Variants in WDR7 observed in about 807,000 individuals in gnomAD.
WDR7 encodes the protein WD repeat domain 7.
A neutral mutation model predicts 169.4 loss-of-function variants in WDR7; 46 were observed. The observed-to-expected ratio is 0.27, with a 90% CI of 0.21 to 0.35. The LOEUF is 0.35. Ranked by LOEUF, WDR7 falls within the 10% of genes least tolerant of loss-of-function variation. The pLI, the probability that WDR7 is intolerant of heterozygous loss-of-function variation, is 1.00. For synonymous variants in WDR7, 612 were observed against 666.8 expected (o/e 0.92, Z 1.27); for missense variants, 1,534 against 1,859.3 (o/e 0.83, Z 3.22).
chr18:56,949,981 G>A (rs945284993), intron 25 of WDR7, among the ~76,000 whole-genome samples: 1 of 152,106 alleles, frequency 6.6e-6, no homozygotes, highest in Admixed American at 6.5e-5. Context: ...AATAAATCTT[G>A]TCAGTTGTTT....
In WDR7 at chr18:56,897,349, CA is replaced by C. The variant is rs1443864145; in HGVS notation, c.3526+17189del. Among the ~76,000 whole-genome samples the C allele has an allele frequency of 2.0e-5, 3 of 151,610 alleles. No homozygotes were observed. In the East Asian group the frequency reaches 5.8e-4, roughly 29 times the overall value. The stretch of plus-strand genomic sequence containing the variant: ...GTTCATAGCAAACAGTTTGAAATAA[CA>C]AAAATTGGAATCAGCGCATGTGCAT... On this transcript the variant is annotated intron_variant, in intron 21 of 27. Coordinates refer to ENST00000254442, the MANE Select transcript of WDR7 (RefSeq NM_015285.3).
chr18:56,693,073 A>T (rs1054505487), intron 9 of WDR7, among the ~76,000 whole-genome samples: 7 of 152,176 alleles, frequency 4.6e-5, no homozygotes, highest in Non-Finnish European at 8.8e-5. Context: ...TCAAAAGCAA[A>T]AAAAATTCAG....
chr18:56,895,388 T>C (rs1476338271), intron 21 of WDR7, among the ~76,000 whole-genome samples: 1 of 151,890 alleles, frequency 6.6e-6, no homozygotes, highest in Non-Finnish European at 1.5e-5. Context: ...CATTTTGTCA[T>C]AGGAGGAATG....
chr18:57,007,129 G>A lies in WDR7; in HGVS notation c.4165-13616G>A, dbSNP rs572111889. Reference sequence around the variant, plus strand: ...CGAGTAGCTGCGACTACAGGCGCCCGCCACAACACCCAGCTAATTTTTTGT... The same window carrying A: ...CGAGTAGCTGCGACTACAGGCGCCCACCACAACACCCAGCTAATTTTTTGT... On this transcript the variant is annotated intron_variant, in intron 26 of 27. Coordinates refer to ENST00000254442, the MANE Select transcript of WDR7 (RefSeq NM_015285.3). Among the ~76,000 whole-genome samples the A allele has an allele frequency of 1.4e-4, 21 of 151,884 alleles. No individual in the cohort carries two copies. The East Asian group carries it at 3.1e-3, about 22-fold the overall frequency.
In WDR7 at chr18:56,734,917, T is replaced by A. The variant is rs186793128; in HGVS notation, c.1989+3320T>A. On this transcript the variant is annotated intron_variant, in intron 14 of 27. Coordinates refer to ENST00000254442, the MANE Select transcript of WDR7 (RefSeq NM_015285.3). ...TATGGTACATACTAGTGAAAAATGATAATTGCTCAAGCAATTTAGTAGGAA... is the reference window on the plus strand; with the variant it reads ...TATGGTACATACTAGTGAAAAATGAAAATTGCTCAAGCAATTTAGTAGGAA... Among the ~76,000 whole-genome samples the A allele has an allele frequency of 1.2e-4, 19 of 152,304 alleles. No homozygotes were observed. In the East Asian group the frequency reaches 3.7e-3, roughly 29 times the overall value.
chr18:56,949,830 G>A (rs1385661368), intron 25 of WDR7, among the ~76,000 whole-genome samples: 1 of 152,092 alleles, frequency 6.6e-6, no homozygotes, highest in African/African-American at 2.4e-5. Context: ...CTCCATATAT[G>A]GTCACTTTGC....
At chr18:56,865,121 A>C (rs2045864471) in intron 20 of WDR7, among the ~76,000 whole-genome samples, 1 of 152,038 alleles carries the variant, frequency 6.6e-6, no homozygotes, top group African/African-American at 2.4e-5. Flanking sequence ...AAACATCTCT[A>C]AGTGCTAATA....
chr18:56,989,220 A>G (rs1324926501), intron 26 of WDR7, among the ~76,000 whole-genome samples: 2 of 152,192 alleles, frequency 1.3e-5, no homozygotes, highest in Non-Finnish European at 2.9e-5. Flanking sequence ...TGTACTCTCC[A>G]GTGTGATAGC....
At chr18:56,673,029 T>A (rs2025168927) in intron 2 of WDR7, among the ~76,000 whole-genome samples, 1 of 152,194 alleles carries the variant, frequency 6.6e-6, no homozygotes, top group Admixed American at 6.5e-5. Context: ...GCAAAACTTT[T>A]TACAAAGTAT....
intron 23 of WDR7, 46 bp from the exon 24 acceptor site, chr18:56,938,487 A>T (rs1431707309): frequency 1.3e-6 from 2 of 1,591,064 alleles, no homozygotes; most frequent in Non-Finnish European, 1.7e-6. Flanking sequence ...GAAATGTAAA[A>T]CTATATCAGT....
At chr18:56,751,721 G>A (rs1416696939) in intron 14 of WDR7, among the ~76,000 whole-genome samples, 10 of 152,164 alleles carry the variant, frequency 6.6e-5, no homozygotes, top group Non-Finnish European at 1.2e-4. Flanking sequence ...TTTTAGATAA[G>A]ATATTGTATG....
intron 2 of WDR7, among the ~76,000 whole-genome samples, chr18:56,677,854 A>G (rs1011919824): frequency 6.6e-6 from 1 of 152,052 alleles, no homozygotes; most frequent in Non-Finnish European, 1.5e-5. Flanking sequence ...TTCTACCCCT[A>G]TCTCCTTCTC....
At chr18:56,858,556 G>A (rs1243626234) in intron 20 of WDR7, among the ~76,000 whole-genome samples, 2 of 151,932 alleles carry the variant, frequency 1.3e-5, no homozygotes, top group African/African-American at 2.4e-5. Flanking sequence ...GGCCTCAAGC[G>A]ATCCTCCTAC....
chr18:56,780,165 C>T (rs1370554578), intron 18 of WDR7, among the ~76,000 whole-genome samples: 2 of 152,138 alleles, frequency 1.3e-5, no homozygotes, highest in East Asian at 3.9e-4. Context: ...ATGGTAGGAG[C>T]TCACTAAATG....
At chr18:56,977,549 G>C (rs975255728) in intron 26 of WDR7, among the ~76,000 whole-genome samples, 3 of 152,220 alleles carry the variant, frequency 2.0e-5, no homozygotes, top group African/African-American at 7.2e-5. Flanking sequence ...GAGCTGTTAA[G>C]CAGCTTGTAG....
At chr18:56,651,668 A>G (rs500650) in intron 1 of WDR7, 92 bp downstream of exon 1, 36,252 of 152,168 alleles carry the variant, frequency 0.24, 6,616 homozygotes, top group African/African-American at 0.52. Context: ...AAGGTCACAA[A>G]CCCGCTCTAG....
intron 20 of WDR7, among the ~76,000 whole-genome samples, chr18:56,868,183 G>C (rs1307396969): frequency 1.3e-5 from 2 of 152,046 alleles, no homozygotes; most frequent in African/African-American, 4.8e-5. Context: ...CAAAGCTAGA[G>C]ATCCTTTAGA....
intron 19 of WDR7, among the ~76,000 whole-genome samples, chr18:56,802,351 T>TTTTTG (rs1215557733): frequency 1.3e-5 from 2 of 151,728 alleles, no homozygotes; most frequent in Admixed American, 6.6e-5. Context: ...AACAATAAAA[T>TTTTTG]TTTTGTTTTG....
At chr18:56,943,354 T>G (rs191610370) in intron 25 of WDR7, among the ~76,000 whole-genome samples, 15 of 152,180 alleles carry the variant, frequency 9.9e-5, no homozygotes, top group African/African-American at 3.6e-4. Context: ...TTTTTTTTTT[T>G]GTTTCCTTCC....
Sources: allele counts gnomAD v4.1 joint callset (sites outside exome capture counted in the v4.1 genomes callset), GRCh38; gene constraint gnomAD v4.1.1; transcripts MANE v1.5; gene names NCBI Gene and HGNC (gene_info 2026-07-23, HGNC 2026-07-21).